The following METTL16 variants were observed in gnomAD, a reference collection of about 807,000 sequenced individuals.
METTL16 encodes the protein RNA N(6)-adenosine-methyltransferase METTL16.
Under a neutral mutation model 57.9 loss-of-function variants are expected in METTL16, and 19 were observed. The ratio of observed to expected loss-of-function variants is 0.33; its 90% CI spans 0.23 to 0.48. The LOEUF is 0.48. METTL16 is among the 20% of genes least tolerant of loss of function. The pLI, the probability that METTL16 is intolerant of heterozygous loss-of-function variation, is 0.99. For synonymous variants in METTL16, 246 were observed against 255.6 expected, an observed-to-expected ratio of 0.96 and a Z score of 0.36; for missense variants, 434 against 691.5, an observed-to-expected ratio of 0.63 and a Z score of 4.18.
At position 2,511,887 on chromosome 17, in the gene METTL16, G is replaced by T. The variant is rs990821283; in HGVS notation, c.-129C>A. ...TACGCTCCCAGCGCGCCGCCATCTTGTGAAGCCATCTAGCCTCGTGATTGG... is the reference window on the plus strand; with the variant it reads ...TACGCTCCCAGCGCGCCGCCATCTTTTGAAGCCATCTAGCCTCGTGATTGG... On this transcript the variant is annotated 5_prime_UTR_variant, in exon 1 of 10. Transcript: ENST00000263092. The T allele has an allele frequency of 5.0e-6, 2 of 398,516 alleles. No individual in the cohort carries two copies. The highest frequency in any genetic ancestry group is 1.3e-4 in the South Asian group (1 of 7,858). The allele number at this position is 398,516 out of a possible 1,614,324, so 24.7% of individuals were successfully genotyped here. A position where few individuals can be genotyped will look rare whatever the true frequency, so the allele number is the denominator to read the frequency against.
intron 6 of METTL16, among the ~76,000 whole-genome samples, chr17:2,448,800 TTTAAAAAAAA>T (rs1567889990): frequency 2.3e-4 from 15 of 64,288 alleles, no homozygotes; most frequent in South Asian, 5.8e-4. Context: ...AAAAATAAAA[TTTAAAAAAAA>T]AAAAAAAAAA....
intron 8 of METTL16, among the ~76,000 whole-genome samples, chr17:2,423,756 A>G (rs1418859438): frequency 6.6e-6 from 1 of 152,242 alleles, no homozygotes; most frequent in East Asian, 1.9e-4. Context: ...TCTGACCAGT[A>G]AAGTCAGGAT....
intron 2 of METTL16, among the ~76,000 whole-genome samples, chr17:2,479,612 C>T (rs1718960307): frequency 1.3e-5 from 2 of 152,110 alleles, no homozygotes; most frequent in Admixed American, 1.3e-4. Flanking sequence ...GTACTATCTC[C>T]TTTTCTGCTC....
intron 6 of METTL16, among the ~76,000 whole-genome samples, chr17:2,463,486 G>A (rs892945459): frequency 6.6e-6 from 1 of 151,944 alleles, no homozygotes; most frequent in Non-Finnish European, 1.5e-5. Flanking sequence ...TTTGGAGAAG[G>A]AATCTTACTC....
intron 8 of METTL16, 46 bp downstream of exon 8, chr17:2,438,063 C>T: frequency 7.3e-7 from 1 of 1,377,330 alleles, no homozygotes; most frequent in Non-Finnish European, 1.0e-6. Context: ...GACTGAAACC[C>T]ACCATGTGCT....
At chr17:2,496,497 A>G (rs2067447083) in intron 2 of METTL16, among the ~76,000 whole-genome samples, 1 of 151,630 alleles carries the variant, frequency 6.6e-6, no homozygotes, top group South Asian at 2.1e-4. Context: ...TACTTTTCAA[A>G]ATGCTAAGTC....
At chr17:2,456,132 T>C (rs1439894726) in intron 6 of METTL16, among the ~76,000 whole-genome samples, 1 of 152,094 alleles carries the variant, frequency 6.6e-6, no homozygotes, top group East Asian at 1.9e-4. Context: ...TGGGAAATGT[T>C]CCTTCATGTT....
intron 8 of METTL16, among the ~76,000 whole-genome samples, chr17:2,428,395 T>C (rs1438995590): frequency 6.6e-6 from 1 of 151,450 alleles, no homozygotes; most frequent in Admixed American, 6.6e-5. Context: ...CAAAGGCGGT[T>C]AACTGTGCCT....
intron 4 of METTL16, among the ~76,000 whole-genome samples, chr17:2,472,016 A>C (rs575064931): frequency 5.5e-4 from 83 of 152,078 alleles, no homozygotes; most frequent in African/African-American, 1.9e-3. Flanking sequence ...TAGGAGGCTG[A>C]AGCAGGAGAA....
At chr17:2,504,714 C>A (rs1303853097) in intron 1 of METTL16, among the ~76,000 whole-genome samples, 1 of 152,104 alleles carries the variant, frequency 6.6e-6, no homozygotes, top group African/African-American at 2.4e-5. Context: ...TGCCACCATG[C>A]CACCACGCCT....
chr17:2,455,932 G>A (rs1156484412), intron 6 of METTL16, among the ~76,000 whole-genome samples: 2 of 152,080 alleles, frequency 1.3e-5, no homozygotes, highest in African/African-American at 2.4e-5. Flanking sequence ...GCAGTGAGCC[G>A]TGATCATGCC....
chr17:2,433,225 A>G (rs111679753), intron 8 of METTL16, among the ~76,000 whole-genome samples: 5,804 of 152,316 alleles, frequency 0.038, 402 homozygotes, highest in African/African-American at 0.13. Context: ...GGATCAGAAC[A>G]GGGTATGAGC....
intron 2 of METTL16, among the ~76,000 whole-genome samples, chr17:2,489,744 A>AAAAAAAAAAAAAAAAC (rs1204756186): frequency 6.6e-6 from 1 of 150,376 alleles, no homozygotes; most frequent in Non-Finnish European, 1.5e-5. Flanking sequence ...AAAAAAAAAA[A>AAAAAAAAAAAAAAAAC]AAAAACGAAT....
rs749765538 is a variant in METTL16 at position 2,502,263 on chromosome 17, C to T, written c.69G>A (p.Leu23=). The part of the protein sequence containing the change: ...YKDKPPDFAY[L]ASKYPDFKQH... ...GCTTAAAATCTGGATATTTGGATGC[C>T]AGATATGCAAAGTCAGGAGGTTTGT... Residue 23 remains leucine (L), a synonymous_variant, in exon 2 of 10, where the codon CTG becomes CTA. Transcript: ENST00000263092. 1 of 1,613,850 alleles carries T rather than the reference C, an allele frequency of 6.2e-7. No individual in the cohort carries two copies. Among genetic ancestry groups the T allele is most frequent in the South Asian group, 1.1e-5 (1 of 91,070 alleles).
chr17:2,471,472 A>C (rs1355171326), intron 4 of METTL16, among the ~76,000 whole-genome samples: 1 of 152,202 alleles, frequency 6.6e-6, no homozygotes, highest in Non-Finnish European at 1.5e-5. Context: ...TAATACCAAC[A>C]GTACTGTATA....
intron 2 of METTL16, among the ~76,000 whole-genome samples, chr17:2,492,190 G>C (rs560391684): frequency 6.6e-6 from 1 of 152,068 alleles, no homozygotes; most frequent in Non-Finnish European, 1.5e-5. Flanking sequence ...CAGCCTGGGC[G>C]ACAGAGCAAG....
At chr17:2,447,851 T>C (rs1186179023) in intron 6 of METTL16, among the ~76,000 whole-genome samples, 2 of 48,316 alleles carry the variant, frequency 4.1e-5, no homozygotes, top group Non-Finnish European at 6.9e-5. Context: ...GGGAGGGAGG[T>C]GGGGGGTCAG....
At chr17:2,487,452 A>G (rs1287533524) in intron 2 of METTL16, among the ~76,000 whole-genome samples, 1 of 152,260 alleles carries the variant, frequency 6.6e-6, no homozygotes, top group Non-Finnish European at 1.5e-5. Flanking sequence ...AGCTGTATGC[A>G]CAGTCATTAC....
intron 2 of METTL16, among the ~76,000 whole-genome samples, chr17:2,486,347 T>A (rs1167825838): frequency 1.3e-5 from 2 of 151,686 alleles, no homozygotes; most frequent in East Asian, 1.9e-4. Flanking sequence ...TCTCGGCTCA[T>A]TGCAACTTAC....
Sources: gnomAD v4.1 joint callset for allele counts (sites outside exome capture counted in the v4.1 genomes callset) on GRCh38, gnomAD v4.1.1 for gene constraint, MANE v1.5 for transcripts, NCBI Gene and HGNC (gene_info 2026-07-23, HGNC 2026-07-21) for gene names.